DCDC1: variants seen among roughly 807,000 people sequenced by gnomAD.
The protein encoded by DCDC1 is doublecortin domain containing 1.
In DCDC1, 200 loss-of-function variants were observed where a neutral mutation model predicts 178.3. The ratio of observed to expected loss-of-function variants is 1.12; its 90% CI spans 1.00 to 1.26. The LOEUF (loss-of-function observed/expected upper bound fraction) is 1.26, where lower values mean the gene tolerates loss of function less well. Among genes scored for constraint, DCDC1 ranks in the 50% most tolerant of loss-of-function variants. DCDC1 has a pLI of 0.00. For synonymous variants in DCDC1, 690 were observed against 604.8 expected, an observed-to-expected ratio of 1.14 and a Z score of -2.07; for missense variants, 1,983 against 1,749.2, an observed-to-expected ratio of 1.13 and a Z score of -2.38.
rs182622584 is a variant in DCDC1, at chr11:31,088,008, A to T, written c.2237+3385T>A. 2.0e-3 allele frequency among the ~76,000 whole-genome samples: 303 copies of T among 152,144 alleles called. 1 individual carries two copies. The highest frequency in any genetic ancestry group is 7.0e-3 in the African/African-American group (290 of 41,534). ...GGTATTTTGAAGCTGTGCCATTTTT[A>T]AAAAATTAGAATCGTTATGTTCTCG... is the stretch of plus-strand genomic sequence containing the variant. On this transcript the variant is annotated intron_variant, in intron 17 of 38. Transcript: ENST00000684477.
intron 9 of DCDC1, among the ~76,000 whole-genome samples, chr11:31,177,316 G>A (rs1968178870): frequency 6.7e-6 from 1 of 149,518 alleles, no homozygotes; most frequent in African/African-American, 2.5e-5. Context: ...GAAAGTAGGG[G>A]GAAAAAAAAG....
At chr11:30,961,953 T>A (rs906282912) in intron 20 of DCDC1, among the ~76,000 whole-genome samples, 2 of 152,038 alleles carry the variant, frequency 1.3e-5, no homozygotes, top group South Asian at 2.1e-4. Context: ...AAACACTGCA[T>A]AAGGGTTAAA....
At chr11:31,071,872 A>G (rs1317516365) in intron 18 of DCDC1, among the ~76,000 whole-genome samples, 1 of 152,180 alleles carries the variant, frequency 6.6e-6, no homozygotes, top group Non-Finnish European at 1.5e-5. Context: ...TTAGAGTTAG[A>G]TCTTCCAGCC....
chr11:31,197,670 G>C (rs1156800198), intron 9 of DCDC1, among the ~76,000 whole-genome samples: 1 of 152,080 alleles, frequency 6.6e-6, no homozygotes, highest in Non-Finnish European at 1.5e-5. Context: ...CTGGAGGAAA[G>C]AGGGAGTTGA....
At chr11:31,125,351 T>C (rs1961451508) in intron 11 of DCDC1, among the ~76,000 whole-genome samples, 1 of 152,196 alleles carries the variant, frequency 6.6e-6, no homozygotes, top group South Asian at 2.1e-4. Context: ...GTTCAACTAT[T>C]GTGGAAGACA....
chr11:31,123,995 A>G (rs372982726), intron 11 of DCDC1, among the ~76,000 whole-genome samples: 2 of 152,090 alleles, frequency 1.3e-5, no homozygotes, highest in Admixed American at 6.6e-5. Flanking sequence ...GCTTCTTTGC[A>G]TATGTAAATT....
chr11:30,917,357 T>C (rs994424891), intron 25 of DCDC1, among the ~76,000 whole-genome samples: 1 of 152,194 alleles, frequency 6.6e-6, no homozygotes, highest in African/African-American at 2.4e-5. Context: ...ACAATGAACA[T>C]GTAATGAGAC....
At chr11:30,891,594 G>T (rs1260183053) in intron 36 of DCDC1, among the ~76,000 whole-genome samples, 3 of 152,088 alleles carry the variant, frequency 2.0e-5, no homozygotes, top group Admixed American at 1.3e-4. Context: ...TCTGATTTTT[G>T]AAAGAACCAG....
At chr11:31,182,999 C>A (rs1969017010) in intron 9 of DCDC1, among the ~76,000 whole-genome samples, 1 of 151,960 alleles carries the variant, frequency 6.6e-6, no homozygotes, top group Non-Finnish European at 1.5e-5. Flanking sequence ...TCAAAAAAGA[C>A]AAAGAAGGGC....
chr11:30,930,303 C>A (rs1006222922), intron 22 of DCDC1, among the ~76,000 whole-genome samples: 1 of 152,038 alleles, frequency 6.6e-6, no homozygotes, highest in Non-Finnish European at 1.5e-5. Flanking sequence ...TGCAATGTAA[C>A]CCAAGACCTT....
In DCDC1 at chr11:31,190,349, T is replaced by C. The variant is rs1189362591; in HGVS notation, c.1221+51101A>G. Reference sequence around the variant, plus strand: ...CAATTATAAATAACAGGGCAAAAATTTGAACTCAGATGCAACATTGATAGC... The same window carrying C: ...CAATTATAAATAACAGGGCAAAAATCTGAACTCAGATGCAACATTGATAGC... On this transcript the variant is annotated intron_variant, in intron 9 of 38. Transcript: ENST00000684477. 4.6e-5 allele frequency among the ~76,000 whole-genome samples: 7 copies of C among 152,108 alleles called. 1 individual carries two copies. The highest frequency in any genetic ancestry group is 3.3e-4 in the Admixed American group (5 of 15,270).
chr11:30,917,956 G>A (rs553907246), intron 25 of DCDC1, among the ~76,000 whole-genome samples: 35 of 152,216 alleles, frequency 2.3e-4, no homozygotes, highest in Non-Finnish European at 4.9e-4. Context: ...AGTATTACAT[G>A]TGGATATGAA....
At chr11:31,023,563 T>A (rs1448700315) in intron 20 of DCDC1, among the ~76,000 whole-genome samples, 1 of 152,062 alleles carries the variant, frequency 6.6e-6, no homozygotes, top group Non-Finnish European at 1.5e-5. Context: ...ATAGCCTAAA[T>A]ATCTAATCTA....
chr11:31,109,925 C>G (rs1959092642), intron 12 of DCDC1, among the ~76,000 whole-genome samples: 1 of 152,088 alleles, frequency 6.6e-6, no homozygotes, highest in Non-Finnish European at 1.5e-5. Context: ...TAGAAATACC[C>G]TAGATCCAGG....
At position 31,282,575 on chromosome 11, in the gene DCDC1, A is replaced by C. The variant is rs570889856; in HGVS notation, c.960+8072T>G. Among the ~76,000 whole-genome samples, 11 of 152,228 alleles carry C rather than the reference A, an allele frequency of 7.2e-5. No individual in the cohort carries two copies. In the East Asian group the frequency reaches 1.9e-3, roughly 27 times the overall value. ...TTTGCAGCCAGGAAACATACTTAAA[A>C]TAATTTTAATCCTTTTAAATGTACT... On this transcript the variant is annotated intron_variant, in intron 7 of 38. Coordinates refer to ENST00000684477, the MANE Select transcript of DCDC1 (RefSeq NM_001387274.1).
At chr11:30,949,980 G>A (rs1189687199) in intron 21 of DCDC1, among the ~76,000 whole-genome samples, 1 of 152,078 alleles carries the variant, frequency 6.6e-6, no homozygotes, top group Non-Finnish European at 1.5e-5. Context: ...TTGTGTACCT[G>A]TACCCCAGAA....
At chr11:30,981,920 T>C (rs974433916) in intron 20 of DCDC1, among the ~76,000 whole-genome samples, 1 of 152,148 alleles carries the variant, frequency 6.6e-6, no homozygotes, top group Non-Finnish European at 1.5e-5. Flanking sequence ...ATAAAGGGAT[T>C]GGATAAGCCG....
At chr11:31,256,092 G>A (rs1181310823) in intron 8 of DCDC1, among the ~76,000 whole-genome samples, 1 of 152,146 alleles carries the variant, frequency 6.6e-6, no homozygotes, top group East Asian at 1.9e-4. Flanking sequence ...TCTTTTCCCA[G>A]TGAATGGTCT....
chr11:30,961,558 T>C (rs536669703), intron 20 of DCDC1, among the ~76,000 whole-genome samples: 68 of 152,172 alleles, frequency 4.5e-4, no homozygotes, highest in African/African-American at 1.4e-3. Flanking sequence ...CTGACCACTT[T>C]TCAGTTTTTA....
Sources: gnomAD v4.1 joint callset for allele counts (sites outside exome capture counted in the v4.1 genomes callset) on GRCh38, gnomAD v4.1.1 for gene constraint, MANE v1.5 for transcripts, NCBI Gene and HGNC (gene_info 2026-07-23, HGNC 2026-07-21) for gene names.